Variants in CIP2A observed in about 807,000 individuals in gnomAD.
CIP2A encodes protein CIP2A.
CIP2A carries 103 observed loss-of-function variants against 110.9 expected under a neutral mutation model. That is an observed-to-expected ratio of 0.93 (90% CI 0.79 to 1.09). The LOEUF (loss-of-function observed/expected upper bound fraction) is 1.09. Among genes scored for constraint, CIP2A ranks in the 50% least tolerant of loss-of-function variants. CIP2A has a pLI of 0.00. For synonymous variants in CIP2A, 381 were observed against 361.6 expected, an observed-to-expected ratio of 1.05 and a Z score of -0.61; for missense variants, 1,088 against 1,038.4, an observed-to-expected ratio of 1.05 and a Z score of -0.66.
At chr3:108,565,320 G>T in intron 12 of CIP2A, 35 bp downstream of exon 12, 2 of 1,031,656 alleles carry the variant, frequency 1.9e-6, no homozygotes, top group East Asian at 2.5e-5. Flanking sequence ...ATTTATGTAT[G>T]AATAAACTTC....
Position 108,554,387 on chromosome 3 carries a change from T to C in CIP2A, c.2313A>G (p.Glu771=), listed in dbSNP as rs771663583. ...ACTAGAGATTTTACTTTTCATTTTG[T>C]TCCTTGAGTGACTCATTCAACTTTT... ...TVKKLNESLK[E]QNEKSIAQLI... The change falls in exon 18 of 21, where the codon GAA becomes GAG. Residue 771 remains glutamate, a synonymous_variant. Transcript: ENST00000295746. 1.3e-5 allele frequency: 19 copies of C among 1,460,244 alleles called. 1 individual carries two copies. 90.5% of individuals were successfully genotyped at this position (1,460,244 alleles called of 1,614,324 possible).
In CIP2A at chr3:108,589,365, G is replaced by C; in HGVS notation, c.11C>G (p.Thr4Ser). 2 of 1,612,796 alleles carry C rather than the reference G, an allele frequency of 1.2e-6. No individual in the cohort carries two copies. The highest frequency in any genetic ancestry group is 1.7e-6 in the Non-Finnish European group (2 of 1,179,090). ...CAGGAGCAAGGACTTCAAGCAGGCAGTGGAGTCCATTGCACCGGCCGCGGC... is the reference window on the plus strand; with the variant it reads ...CAGGAGCAAGGACTTCAAGCAGGCACTGGAGTCCATTGCACCGGCCGCGGC... The part of the protein sequence containing the change: MDS[T>S]ACLKSLLLTV... Residue 4 changes from threonine to serine, a missense_variant, in exon 1 of 21, where the codon ACT becomes AGT. Thr to Ser is a moderately conservative substitution (Grantham distance 58). Transcript: ENST00000295746.
At chr3:108,580,006 A>G (rs1357236609) in intron 5 of CIP2A, among the ~76,000 whole-genome samples, 3 of 152,232 alleles carry the variant, frequency 2.0e-5, no homozygotes, top group Non-Finnish European at 2.9e-5. Flanking sequence ...TCAGGGTGTC[A>G]ATTCTAATAA....
intron 8 of CIP2A, among the ~76,000 whole-genome samples, chr3:108,573,433 TAA>T (rs1461864060): frequency 6.6e-6 from 1 of 151,998 alleles, no homozygotes; most frequent in African/African-American, 2.4e-5. Context: ...TTTAAAAAAT[TAA>T]GTTTTAAATT....
intron 16 of CIP2A, 36 bp from the exon 17 acceptor site, chr3:108,557,450 C>A: frequency 6.8e-7 from 1 of 1,466,428 alleles, no homozygotes; most frequent in Non-Finnish European, 9.3e-7. Flanking sequence ...TTACCACTAT[C>A]ATCTATATCA....
intron 9 of CIP2A, among the ~76,000 whole-genome samples, chr3:108,568,819 T>G (rs1270933530): frequency 6.6e-6 from 1 of 151,964 alleles, no homozygotes; most frequent in African/African-American, 2.4e-5. Flanking sequence ...CATATTTGTT[T>G]GTGTGTAAGA....
intron 7 of CIP2A, 31 bp downstream of exon 7, chr3:108,579,250 A>G (rs761009535): frequency 6.5e-7 from 1 of 1,545,378 alleles, no homozygotes; most frequent in South Asian, 1.2e-5. Flanking sequence ...AAAAATAAAA[A>G]AGTTCTAAAA....
In CIP2A at chr3:108,576,500, A is replaced by T. The variant is rs756140384; in HGVS notation, c.819-154T>A. On this transcript the variant is annotated intron_variant, in intron 7 of 20. Coordinates refer to ENST00000295746, the MANE Select transcript of CIP2A (RefSeq NM_020890.3). Reference sequence around the variant, plus strand: ...TAGAACACACTCCTGTAAAGTTTATACTTAAAACATATGTCTTACAATTAT... The same window carrying T: ...TAGAACACACTCCTGTAAAGTTTATTCTTAAAACATATGTCTTACAATTAT... Among the ~76,000 whole-genome samples, 3 of 152,178 alleles carry T rather than the reference A, an allele frequency of 2.0e-5. No homozygotes were observed. The East Asian group carries it at 5.8e-4, about 29-fold the overall frequency.
chr3:108,554,525 G>T, intron 17 of CIP2A, 36 bp from the exon 18 acceptor site: 2 of 860,980 alleles, frequency 2.3e-6, no homozygotes, highest in Middle Eastern at 2.2e-4. Context: ...CATCATTATG[G>T]AGGAAAACAT....
chr3:108,582,131 T>C lies in CIP2A; in HGVS notation c.429A>G (p.Leu143=), dbSNP rs532136856. The C allele has an allele frequency of 1.1e-4, 160 of 1,488,464 alleles. 3 individuals are homozygous for C. The South Asian group carries it at 1.8e-3, about 17-fold the overall frequency. The allele number at this position is 1,488,464 out of a possible 1,614,324, so 92.2% of individuals were successfully genotyped here. A position where few individuals can be genotyped will look rare whatever the true frequency, so the allele number is the denominator to read the frequency against. ...ACATGTGATCTATCAGGAACGTAAT[T>C]AATTCATCTATATTGGCACCAGAAT... is the stretch of plus-strand genomic sequence containing the variant. ...IFYSGANIDE[L]ITFLIDHIQS... The change falls in exon 4 of 21, where the codon TTA becomes TTG. Residue 143 remains leucine (L), a synonymous_variant. Coordinates refer to ENST00000295746, the MANE Select transcript of CIP2A (RefSeq NM_020890.3).
In CIP2A at chr3:108,554,799, G is replaced by A. The variant is rs901174964; in HGVS notation, c.2211-310C>T. On this transcript the variant is annotated intron_variant, in intron 17 of 20. Coordinates refer to ENST00000295746, the MANE Select transcript of CIP2A (RefSeq NM_020890.3). Reference sequence around the variant, plus strand: ...GCATTACATAATTTGCTATAAATAAGTTTAGGGTTCTACATTTGTCTCTTT... The same window carrying A: ...GCATTACATAATTTGCTATAAATAAATTTAGGGTTCTACATTTGTCTCTTT... 7.9e-5 allele frequency among the ~76,000 whole-genome samples: 12 copies of A among 152,130 alleles called. No individual in the cohort carries two copies. The South Asian group carries it at 2.3e-3, about 29-fold the overall frequency.
chr3:108,566,608 T>C lies in CIP2A; in HGVS notation c.1304A>G (p.His435Arg), dbSNP rs1223351814. 3 of 1,606,056 alleles carry C rather than the reference T, an allele frequency of 1.9e-6. No homozygotes were observed. The Admixed American group carries it at 5.1e-5, about 27-fold the overall frequency. ...TLCGDDTLKM[H>R]IAKILTTVKC... ...GACAGTTGTCAAGATTTTTGCAATA[T>C]GCATTTTTAGTGTATCATCTCCACA... Residue 435 changes from histidine to arginine, a missense_variant, in exon 11 of 21, where the codon CAT becomes CGT. By Grantham distance (29) the His-to-Arg change is conservative. Coordinates refer to ENST00000295746, the MANE Select transcript of CIP2A (RefSeq NM_020890.3).
At chr3:108,561,389 C>G (rs1179760127) in intron 13 of CIP2A, among the ~76,000 whole-genome samples, 2 of 152,146 alleles carry the variant, frequency 1.3e-5, no homozygotes, top group Non-Finnish European at 2.9e-5. Context: ...GGCACTCAGC[C>G]TAATTTATTA....
At position 108,565,394 on chromosome 3, in the gene CIP2A, C is replaced by A. The variant is rs745680795; in HGVS notation, c.1476G>T (p.Leu492Phe). 2 of 1,600,574 alleles carry A rather than the reference C, an allele frequency of 1.2e-6. No individual in the cohort carries two copies. Among genetic ancestry groups the A allele is most frequent in the South Asian group, 1.1e-5 (1 of 88,392 alleles). Reference sequence around the variant, plus strand: ...AGAAGCTTACTTCCATACCAGGAACCAATGGTTTAAGTTTGTTAATCAAAT... The same window carrying A: ...AGAAGCTTACTTCCATACCAGGAACAAATGGTTTAAGTTTGTTAATCAAAT... ...TLDLINKLKP[L>F]VPGMEVSFYK... The change falls in exon 12 of 21, where the codon TTG (leucine) becomes TTT (phenylalanine). Residue 492 changes from leucine (L) to phenylalanine (F), a missense_variant. Transcript: ENST00000295746.
chr3:108,569,891 CTTAAA>C (rs951122901), intron 8 of CIP2A, among the ~76,000 whole-genome samples: 1 of 151,890 alleles, frequency 6.6e-6, no homozygotes, highest in Non-Finnish European at 1.5e-5. Flanking sequence ...TTCCATAGTA[CTTAAA>C]TTATTTTTAA....
At chr3:108,576,095 C>A (rs1576314230) in intron 8 of CIP2A, among the ~76,000 whole-genome samples, 176 bp downstream of exon 8, 1 of 151,956 alleles carries the variant, frequency 6.6e-6, no homozygotes, top group Non-Finnish European at 1.5e-5. Flanking sequence ...AAGAAGAGTT[C>A]TAGAATACTG....
rs781277525 is a variant in CIP2A at position 108,589,355 on chromosome 3, C to A, written c.21G>T (p.Leu7Phe). 1.9e-6 allele frequency: 3 copies of A among 1,613,584 alleles called. No individual in the cohort carries two copies. The African/African-American group carries it at 4.0e-5, about 22-fold the overall frequency. Residue 7 changes from leucine (L) to phenylalanine (F), a missense_variant, in exon 1 of 21, where the codon TTG becomes TTT. By Grantham distance (22) the Leu-to-Phe change is conservative. Coordinates refer to ENST00000295746, the MANE Select transcript of CIP2A (RefSeq NM_020890.3). MDSTAC[L>F]KSLLLTVSQY... ...GACTGACAGTCAGGAGCAAGGACTT[C>A]AAGCAGGCAGTGGAGTCCATTGCAC...
chr3:108,563,308 T>A (rs1385639598), intron 12 of CIP2A, 64 bp from the exon 13 acceptor site: 5 of 917,132 alleles, frequency 5.5e-6, no homozygotes, highest in African/African-American at 1.7e-5. Context: ...CTCTTTTAGA[T>A]AGGAGGTGAG....
At chr3:108,576,399 CA>C in intron 7 of CIP2A, 53 bp from the exon 8 acceptor site, 1 of 927,492 alleles carries the variant, frequency 1.1e-6, no homozygotes, top group East Asian at 2.6e-5. Context: ...ATTGATACAT[CA>C]AAAGGGATTT....
Sources: allele counts gnomAD v4.1 joint callset (sites outside exome capture counted in the v4.1 genomes callset), GRCh38; gene constraint gnomAD v4.1.1; transcripts MANE v1.5; gene names NCBI Gene and HGNC (gene_info 2026-07-23, HGNC 2026-07-21).